Variants in DLGAP2 observed in about 807,000 individuals in gnomAD.
DLGAP2 encodes DLG associated protein 2, also known as disks large-associated protein 2.
DLGAP2 carries 26 observed loss-of-function variants against 100.3 expected under a neutral mutation model. That is an observed-to-expected ratio of 0.26 (90% CI 0.19 to 0.36). The LOEUF is 0.36. Ranked by LOEUF, DLGAP2 falls within the 10% of genes least tolerant of loss-of-function variation. The pLI is 1.00. For missense variants in DLGAP2, 1,858 were observed against 1,453.2 expected (o/e 1.28, Z -4.53); for synonymous variants, 886 against 630.1 (o/e 1.41, Z -6.08).
chr8:1,133,491 T>G (rs181746799), intron 2 of DLGAP2, among the ~76,000 whole-genome samples: 32 of 152,318 alleles, frequency 2.1e-4, no homozygotes, highest in Non-Finnish European at 4.1e-4. Flanking sequence ...AGATATGTCT[T>G]CTGGAAAACA....
intron 3 of DLGAP2, among the ~76,000 whole-genome samples, chr8:1,347,058 A>G (rs990987733): frequency 7.3e-6 from 1 of 136,888 alleles, no homozygotes; most frequent in Non-Finnish European, 1.6e-5. Context: ...TGTGCGGAGG[A>G]TGAGTTCCAC....
intron 2 of DLGAP2, among the ~76,000 whole-genome samples, chr8:1,221,532 T>C (rs11988553): frequency 0.26 from 39,395 of 152,086 alleles, 5,638 homozygotes; most frequent in South Asian, 0.39. Flanking sequence ...TTTAGCATTT[T>C]TTTTTCATGC....
intron 1 of DLGAP2, among the ~76,000 whole-genome samples, chr8:840,724 T>C (rs1231785725): frequency 2.7e-4 from 16 of 59,798 alleles, no homozygotes; most frequent in South Asian, 6.0e-4. Context: ...GTGAGTGCAT[T>C]TACACGGTGC....
At chr8:806,733 A>G (rs1432196976) in intron 1 of DLGAP2, among the ~76,000 whole-genome samples, 1 of 152,258 alleles carries the variant, frequency 6.6e-6, no homozygotes, top group Non-Finnish European at 1.5e-5. Context: ...TGCTTCGCGT[A>G]ACCATTGTTG....
chr8:1,029,366 G>A (rs142919649), intron 2 of DLGAP2, among the ~76,000 whole-genome samples: 16 of 152,348 alleles, frequency 1.1e-4, no homozygotes, highest in South Asian at 2.1e-4. Flanking sequence ...GCAGAGTAGT[G>A]AGGAAAGTGG....
At chr8:1,427,317 T>C (rs1318757176) in intron 3 of DLGAP2, among the ~76,000 whole-genome samples, 1 of 152,206 alleles carries the variant, frequency 6.6e-6, no homozygotes, top group African/African-American at 2.4e-5. Context: ...AAATGTAATA[T>C]GATAAATATG....
intron 1 of DLGAP2, among the ~76,000 whole-genome samples, chr8:742,170 A>C (rs1054947955): frequency 6.6e-6 from 1 of 152,198 alleles, no homozygotes; most frequent in African/African-American, 2.4e-5. Context: ...TTCCACATTA[A>C]ACCTCTTGTT....
chr8:1,386,009 C>T (rs1796211379), intron 3 of DLGAP2, among the ~76,000 whole-genome samples: 1 of 151,948 alleles, frequency 6.6e-6, no homozygotes, highest in East Asian at 2.0e-4. Flanking sequence ...CAGGCAAGAG[C>T]TCCTAGGAAT....
At chr8:1,561,200 C>T (rs1207660465) in intron 5 of DLGAP2, among the ~76,000 whole-genome samples, 4 of 152,178 alleles carry the variant, frequency 2.6e-5, no homozygotes, top group South Asian at 2.1e-4. Context: ...GCCATGACTG[C>T]GAGGCCTCCC....
intron 2 of DLGAP2, among the ~76,000 whole-genome samples, chr8:1,229,615 A>G (rs1027354095): frequency 2.0e-5 from 3 of 152,264 alleles, no homozygotes; most frequent in Admixed American, 1.3e-4. Context: ...CACAGATGCA[A>G]ACATTCTTAA....
In DLGAP2 at chr8:1,538,624, A is replaced by G. The variant is rs79223850; in HGVS notation, c.173-10002A>G. Among the ~76,000 whole-genome samples, 102 of 152,178 alleles carry G rather than the reference A, an allele frequency of 6.7e-4. 1 individual carries two copies. In the East Asian group the frequency reaches 7.0e-3, roughly 10 times the overall value. ...TCTCCGTCCCTCCTCCCCCGCTCCC[A>G]TGCTCACCGCTTGCTTTCTGTTGCG... On this transcript the variant is annotated intron_variant, in intron 4 of 14. Transcript: ENST00000637795.
In DLGAP2 at chr8:1,464,377, G is replaced by A. The variant is rs1252585424; in HGVS notation, c.107-36989G>A. Among the ~76,000 whole-genome samples, 3 of 146,580 alleles carry A rather than the reference G, an allele frequency of 2.0e-5. 1 individual carries two copies. Among genetic ancestry groups the A allele is most frequent in the Non-Finnish European group, 4.5e-5 (3 of 66,980 alleles). ...CCCTTCCAGGACAACGCCCTTCCAG[G>A]ATGGCACCCTTCCGGAATGGCATCC... On this transcript the variant is annotated intron_variant, in intron 3 of 14. Transcript: ENST00000637795.
chr8:1,428,150 A>T (rs1464047765), intron 3 of DLGAP2, among the ~76,000 whole-genome samples: 1 of 143,166 alleles, frequency 7.0e-6, no homozygotes, highest in Non-Finnish European at 1.6e-5. Context: ...AAATAATCAA[A>T]ATAGAAAACA....
chr8:1,417,705 G>A (rs1796963784), intron 3 of DLGAP2, among the ~76,000 whole-genome samples: 3 of 148,260 alleles, frequency 2.0e-5, no homozygotes, highest in Admixed American at 2.0e-4. Context: ...CCCCACTCCT[G>A]CCTCACTCGG....
At chr8:1,130,443 A>G (rs1796266677) in intron 2 of DLGAP2, among the ~76,000 whole-genome samples, 1 of 152,188 alleles carries the variant, frequency 6.6e-6, no homozygotes, top group African/African-American at 2.4e-5. Flanking sequence ...AGCAGAAGGG[A>G]CCTGTCAGCA....
chr8:974,201 A>G (rs1445347070), intron 2 of DLGAP2, among the ~76,000 whole-genome samples: 2 of 152,244 alleles, frequency 1.3e-5, no homozygotes, highest in African/African-American at 4.8e-5. Context: ...TTAAAAATCC[A>G]CAACTAAGCA....
At chr8:1,623,567 C>T (rs535453287) in intron 6 of DLGAP2, among the ~76,000 whole-genome samples, 25 of 147,532 alleles carry the variant, frequency 1.7e-4, no homozygotes, top group Admixed American at 8.1e-4. Context: ...GGCACCAGTG[C>T]GTGATGACCT....
At chr8:1,578,665 G>T (rs1024834157) in intron 6 of DLGAP2, among the ~76,000 whole-genome samples, 4 of 152,144 alleles carry the variant, frequency 2.6e-5, no homozygotes, top group Admixed American at 6.5e-5. Flanking sequence ...CAGTCTTCTC[G>T]TTAATCACTT....
chr8:1,635,911 G>C (rs1258039756), intron 8 of DLGAP2, among the ~76,000 whole-genome samples: 1 of 152,232 alleles, frequency 6.6e-6, no homozygotes, highest in Non-Finnish European at 1.5e-5. Context: ...TTTAAAGGCA[G>C]CTGGTGATCG....
Sources: gnomAD v4.1 joint callset for allele counts (sites outside exome capture counted in the v4.1 genomes callset) on GRCh38, gnomAD v4.1.1 for gene constraint, MANE v1.5 for transcripts, NCBI Gene and HGNC (gene_info 2026-07-23, HGNC 2026-07-21) for gene names.